The following TLE3 variants were observed in gnomAD, a reference collection of about 807,000 sequenced individuals.
TLE3 encodes the protein TLE family member 3, transcriptional corepressor.
TLE3 carries 14 observed loss-of-function variants against 93.0 expected under a neutral mutation model. The ratio of observed to expected loss-of-function variants is 0.15; its 90% CI spans 0.10 to 0.24. The LOEUF (loss-of-function observed/expected upper bound fraction) is 0.24. Among genes scored for constraint, TLE3 ranks in the 10% least tolerant of loss-of-function variants. The pLI is 1.00. For missense variants in TLE3, 693 were observed against 1,046.6 expected (o/e 0.66, Z 4.66); for synonymous variants, 451 against 425.0 (o/e 1.06, Z -0.75).
rs773026591 is a variant in TLE3, at chr15:70,095,419, C to G, written c.189+159G>C. On this transcript the variant is annotated intron_variant, in intron 3 of 19. Coordinates refer to ENST00000451782, the MANE Select transcript of TLE3 (RefSeq NM_001105192.3). ...CTCCAAGTGGCCCCGGCAATGGAAG[C>G]TGGGGAAGGGGAGGGCAAGACCAGA... 2.0e-6 allele frequency: 3 copies of G among 1,494,522 alleles called. No individual in the cohort carries two copies. In the African/African-American group the frequency reaches 4.2e-5, roughly 21 times the overall value. The allele number at this position is 1,494,522 out of a possible 1,614,324, so 92.6% of individuals were successfully genotyped here.
chr15:70,063,960 C>T (rs890519169), intron 8 of TLE3, among the ~76,000 whole-genome samples: 1 of 152,180 alleles, frequency 6.6e-6, no homozygotes, highest in African/African-American at 2.4e-5. Flanking sequence ...AACCTTGGCC[C>T]TGAACATGGG....
chr15:70,096,358 G>A (rs1014354956), intron 1 of TLE3, 97 bp from the exon 2 acceptor site: 68 of 1,512,238 alleles, frequency 4.5e-5, no homozygotes, highest in Non-Finnish European at 5.6e-5. Flanking sequence ...AACCAAAAGA[G>A]GCCACCCTCA....
chr15:70,094,153 AG>A (rs1411809952), intron 4 of TLE3, among the ~76,000 whole-genome samples: 4 of 152,026 alleles, frequency 2.6e-5, no homozygotes, highest in African/African-American at 4.8e-5. Context: ...AAAAGGAGAA[AG>A]AAAAAAAAAA....
At chr15:70,075,596 T>G (rs888540616) in intron 5 of TLE3, among the ~76,000 whole-genome samples, 1 of 152,192 alleles carries the variant, frequency 6.6e-6, no homozygotes, top group Non-Finnish European at 1.5e-5. Flanking sequence ...AGTCGGCCCG[T>G]CTGTCTGGTC....
Position 70,050,009 on chromosome 15 carries a change from C to T in TLE3, c.*88G>A, listed in dbSNP as rs1374870779. 14 of 1,174,778 alleles carry T rather than the reference C, an allele frequency of 1.2e-5. No homozygotes were observed. The highest frequency in any genetic ancestry group is 1.4e-5 in the Non-Finnish European group (11 of 794,522). The allele number at this position is 1,174,778 out of a possible 1,614,324, so 72.8% of individuals were successfully genotyped here. ...TCGGCTGCCTGCGGCCCATCCTCCG[C>T]CATCCTCGGGGCCCCTCGCCTGGGG... On this transcript the variant is annotated 3_prime_UTR_variant, in exon 20 of 20. Transcript: ENST00000451782.
In TLE3 at chr15:70,066,056, T is replaced by C; in HGVS notation, c.535A>G (p.Thr179Ala). The change falls in exon 7 of 20, where the codon ACG becomes GCG. Residue 179 changes from threonine (T) to alanine (A), a missense_variant. Coordinates refer to ENST00000451782, the MANE Select transcript of TLE3 (RefSeq NM_001105192.3). ...TGGTGGTTCTTCTCATCCTTCACCGTCAGATGGGCCTGGCTGCCCAGGGCG... is the reference window on the plus strand; with the variant it reads ...TGGTGGTTCTTCTCATCCTTCACCGCCAGATGGGCCTGGCTGCCCAGGGCG... Reference protein sequence around the residue: ...LGALGSQAHLTVKDEKNHHEL... With the variant: ...LGALGSQAHLAVKDEKNHHEL... 2 of 1,608,766 alleles carry C rather than the reference T, an allele frequency of 1.2e-6. No homozygotes were observed. The highest frequency in any genetic ancestry group is 1.3e-5 in the African/African-American group (1 of 74,852).
chr15:70,076,031 G>A, intron 5 of TLE3, 65 bp downstream of exon 5: 1 of 1,493,118 alleles, frequency 6.7e-7, no homozygotes, highest in Non-Finnish European at 9.3e-7. Flanking sequence ...AGGCTCCAGT[G>A]AGACCCCACC....
intron 8 of TLE3, among the ~76,000 whole-genome samples, chr15:70,061,500 G>A (rs2056471118): frequency 1.3e-5 from 2 of 152,148 alleles, no homozygotes. Flanking sequence ...CCTGGGAAGA[G>A]GGAAGATGAC....
intron 8 of TLE3, among the ~76,000 whole-genome samples, chr15:70,061,580 G>T (rs1327728481): frequency 1.3e-5 from 2 of 152,160 alleles, no homozygotes; most frequent in African/African-American, 4.8e-5. Flanking sequence ...TGGGGAGCAG[G>T]GAGGGAAGTG....
At chr15:70,052,325 C>T (rs748697687) in intron 18 of TLE3, 49 bp downstream of exon 18, 2 of 1,595,924 alleles carry the variant, frequency 1.3e-6, no homozygotes, top group Non-Finnish European at 1.7e-6. Context: ...CCAGGCTGCC[C>T]TGGGTTCCCC....
chr15:70,057,988 A>G (rs1007177909), intron 12 of TLE3, 171 bp downstream of exon 12: 8 of 1,134,282 alleles, frequency 7.1e-6, no homozygotes, highest in Non-Finnish European at 8.6e-6. Flanking sequence ...CAGGGGTCCC[A>G]GAAACCCTGG....
At chr15:70,079,430 T>C (rs760549043) in intron 4 of TLE3, 11 of 420,160 alleles carry the variant, frequency 2.6e-5, no homozygotes, top group Non-Finnish European at 5.1e-5. Context: ...CCGTAAAAGT[T>C]CTCCCAACGT....
chr15:70,087,535 T>C (rs2058088315), intron 4 of TLE3, among the ~76,000 whole-genome samples: 1 of 152,258 alleles, frequency 6.6e-6, no homozygotes, highest in South Asian at 2.1e-4. Flanking sequence ...TATTTGGTGG[T>C]GGCAGCAGCC....
chr15:70,096,012 G>A, intron 2 of TLE3, 149 bp downstream of exon 2: 3 of 971,290 alleles, frequency 3.1e-6, no homozygotes, highest in African/African-American at 3.3e-5. Context: ...AAGGCGGCGC[G>A]CTCGGAAAGG....
At chr15:70,092,296 T>C (rs1274724089) in intron 4 of TLE3, among the ~76,000 whole-genome samples, 1 of 152,242 alleles carries the variant, frequency 6.6e-6, no homozygotes, top group Admixed American at 6.5e-5. Flanking sequence ...CACAGGTTTC[T>C]TCACCTCCTT....
chr15:70,057,665 G>A lies in TLE3; in HGVS notation c.1052-7C>T. ...GGCGTGCGCAGAGCCGAGGCTGCGA[G>A]GGGTGGGCGTCAGGGAGGTGGGCCT... On this transcript the variant is annotated splice_polypyrimidine_tract_variant and splice_region_variant and intron_variant, in intron 12 of 19. Coordinates refer to ENST00000451782, the MANE Select transcript of TLE3 (RefSeq NM_001105192.3). The A allele has an allele frequency of 6.4e-7, 1 of 1,562,272 alleles. No homozygotes were observed. The highest frequency in any genetic ancestry group is 8.6e-7 in the Non-Finnish European group (1 of 1,160,282).
intron 4 of TLE3, among the ~76,000 whole-genome samples, chr15:70,083,431 G>T (rs2057884697): frequency 1.3e-5 from 2 of 152,106 alleles, no homozygotes; most frequent in South Asian, 2.1e-4. Flanking sequence ...CTCTCAAAGA[G>T]CTTGCTTGTA....
Position 70,057,802 on chromosome 15 carries a change from C to A in TLE3, c.1052-144G>T, listed in dbSNP as rs551271247. On this transcript the variant is annotated intron_variant, in intron 12 of 19. Coordinates refer to ENST00000451782, the MANE Select transcript of TLE3 (RefSeq NM_001105192.3). ...CAGACTGAACCCACCCAAGTGGGAT[C>A]CCTGCCTTCAGAGCCAAAGAAGCTT... The A allele has an allele frequency of 1.1e-4, 115 of 1,035,636 alleles. No homozygotes were observed. In the Admixed American group the frequency reaches 1.3e-3, roughly 12 times the overall value. The allele number at this position is 1,035,636 out of a possible 1,614,324, so 64.2% of individuals were successfully genotyped here.
At chr15:70,092,855 A>C (rs1395181075) in intron 4 of TLE3, among the ~76,000 whole-genome samples, 3 of 152,214 alleles carry the variant, frequency 2.0e-5, no homozygotes, top group Non-Finnish European at 4.4e-5. Flanking sequence ...GCAACGAGAC[A>C]TTACACCTTA....
Sources: allele counts gnomAD v4.1 joint callset (sites outside exome capture counted in the v4.1 genomes callset), GRCh38; gene constraint gnomAD v4.1.1; transcripts MANE v1.5; gene names NCBI Gene and HGNC (gene_info 2026-07-23, HGNC 2026-07-21).